Variants in TMPRSS9 observed in about 807,000 individuals in gnomAD.
TMPRSS9 encodes the protein transmembrane serine protease 9, also known as transmembrane protease serine 9.
In TMPRSS9, 113 loss-of-function variants were observed where a neutral mutation model predicts 111.4. The ratio of observed to expected loss-of-function variants is 1.01; its 90% confidence interval spans 0.87 to 1.19. The LOEUF is 1.19. Ranked by LOEUF, TMPRSS9 falls within the 50% of genes most tolerant of loss-of-function variation. TMPRSS9 has a pLI of 0.00. For synonymous variants in TMPRSS9, 805 were observed against 659.1 expected (o/e 1.22, Z -3.39); for missense variants, 1,803 against 1,513.1 (o/e 1.19, Z -3.18).
intron 4 of TMPRSS9, among the ~76,000 whole-genome samples, chr19:2,400,888 T>G (rs957001451): frequency 1.6e-5 from 2 of 124,986 alleles, no homozygotes; most frequent in Non-Finnish European, 3.4e-5. Context: ...GCAGGAGAAT[T>G]GCTTAAACCT....
intron 1 of TMPRSS9, among the ~76,000 whole-genome samples, chr19:2,361,921 G>A (rs1441864372): frequency 6.6e-6 from 1 of 152,160 alleles, no homozygotes; most frequent in East Asian, 1.9e-4. Context: ...GCTTCCTGAC[G>A]CCTTCCTGGG....
At chr19:2,396,490 C>G in intron 1 of TMPRSS9, 49 bp from the exon 3 acceptor site, 1 of 1,536,236 alleles carries the variant, frequency 6.5e-7, no homozygotes, top group Non-Finnish European at 8.8e-7. Flanking sequence ...CAGCGGAGCC[C>G]TGAGCCCCCA....
In TMPRSS9 at chr19:2,398,786, C is replaced by G; in HGVS notation, c.271-9C>G. On this transcript the variant is annotated splice_polypyrimidine_tract_variant and intron_variant, in intron 2 of 17. Transcript: ENST00000648592. Reference sequence around the variant, plus strand: ...GTCTCAACATTTGATATTCTTGTTTCTATTGCAGTTTGTAAGTAGTTTTCA... The same window carrying G: ...GTCTCAACATTTGATATTCTTGTTTGTATTGCAGTTTGTAAGTAGTTTTCA... 1 of 1,437,188 alleles carries G rather than the reference C, an allele frequency of 7.0e-7. No individual in the cohort carries two copies. The highest frequency in any genetic ancestry group is 9.2e-7 in the Non-Finnish European group (1 of 1,084,654). The allele number at this position is 1,437,188 out of a possible 1,614,324, so 89.0% of individuals were successfully genotyped here.
intron 4 of TMPRSS9, among the ~76,000 whole-genome samples, chr19:2,399,735 T>A: frequency 6.6e-6 from 1 of 152,176 alleles, no homozygotes; most frequent in Non-Finnish European, 1.5e-5. Flanking sequence ...TTTTTATTTT[T>A]GAGACAGGAT....
chr19:2,382,968 G>C (rs2145264940), intron 1 of TMPRSS9, among the ~76,000 whole-genome samples: 1 of 152,310 alleles, frequency 6.6e-6, no homozygotes, highest in African/African-American at 2.4e-5. Context: ...CCTTCCTCTT[G>C]GGGAACCTCA....
intron 1 of TMPRSS9, among the ~76,000 whole-genome samples, chr19:2,361,930 G>A (rs184284878): frequency 2.1e-4 from 32 of 152,288 alleles, no homozygotes; most frequent in Non-Finnish European, 3.8e-4. Flanking sequence ...CGCCTTCCTG[G>A]GGGCCTGGCT....
At position 2,376,995 on chromosome 19, in the gene TMPRSS9, A is replaced by G. The variant is rs115277385; in HGVS notation, c.-25-12766A>G. On this transcript the variant is annotated intron_variant, in intron 1 of 17. Transcript: ENST00000649857. The stretch of plus-strand genomic sequence containing the variant: ...GCGTGTCTGGCCCAGTGTGCCCAGA[A>G]CCCGAGAAACTGGAGTGGCCACGGG... Among the ~76,000 whole-genome samples, 741 of 151,878 alleles carry G rather than the reference A, an allele frequency of 4.9e-3. 6 individuals are homozygous for G. Among genetic ancestry groups the G allele is most frequent in the African/African-American group, 0.017 (708 of 41,450 alleles).
chr19:2,418,316 TC>T (rs753635628), intron 13 of TMPRSS9, among the ~76,000 whole-genome samples, 178 bp downstream of exon 14: 1,701 of 23,842 alleles, frequency 0.071, 139 homozygotes, highest in East Asian at 0.26. Flanking sequence ...TTTCCCTCCC[TC>T]CCTCCCTCCC....
chr19:2,390,490 G>C (rs796692269), intron 1 of TMPRSS9, among the ~76,000 whole-genome samples: 3,369 of 149,292 alleles, frequency 0.023, 114 homozygotes, highest in African/African-American at 0.078. Flanking sequence ...TGATCCGCCC[G>C]CCTCAGCCTC....
intron 6 of TMPRSS9, among the ~76,000 whole-genome samples, chr19:2,405,045 CTAAA>C (rs1478772116): frequency 5.3e-5 from 8 of 151,690 alleles, no homozygotes; most frequent in Admixed American, 3.3e-4. Flanking sequence ...TAAAAGTAGA[CTAAA>C]TAAGCAGACA....
At position 2,396,496 on chromosome 19, in the gene TMPRSS9, C is replaced by A. The variant is rs776933176; in HGVS notation, c.143-43C>A. On this transcript the variant is annotated intron_variant, in intron 1 of 17. Coordinates refer to ENST00000648592, the Ensembl canonical transcript of TMPRSS9. ...GTGGCAGCTCAGCGGAGCCCTGAGCCCCCAAAGGTGGGCTCTCTCACGGGC... is the reference window on the plus strand; with the variant it reads ...GTGGCAGCTCAGCGGAGCCCTGAGCACCCAAAGGTGGGCTCTCTCACGGGC... The A allele has an allele frequency of 1.6e-5, 24 of 1,547,208 alleles. No homozygotes were observed. The Admixed American group carries it at 3.0e-4, about 20-fold the overall frequency.
rs146003702 is a variant in TMPRSS9, at chr19:2,393,514, C to T, written c.143-3025C>T. On this transcript the variant is annotated intron_variant, in intron 1 of 17. Coordinates refer to ENST00000648592, the Ensembl canonical transcript of TMPRSS9. ...AAATGTAACACTCAGCGTGAGGATCCGCAGCTTCATTCTTGAAGTCAGTGA... is the reference window on the plus strand; with the variant it reads ...AAATGTAACACTCAGCGTGAGGATCTGCAGCTTCATTCTTGAAGTCAGTGA... Among the ~76,000 whole-genome samples the T allele has an allele frequency of 2.7e-3, 416 of 152,264 alleles. 1 individual carries two copies. The highest frequency in any genetic ancestry group is 0.02 in the Middle Eastern group (6 of 294).
exon 10 of TMPRSS9, chr19:2,413,941 T>C: frequency 6.2e-7 from 1 of 1,612,144 alleles, no homozygotes; most frequent in Non-Finnish European, 8.5e-7. Context: ...GAGAGCCCTG[T>C]GGTCAGCACC....
At chr19:2,373,990 C>G (rs1397237694) in intron 1 of TMPRSS9, among the ~76,000 whole-genome samples, 1 of 152,122 alleles carries the variant, frequency 6.6e-6, no homozygotes, top group Non-Finnish European at 1.5e-5. Context: ...GAGATCTGAG[C>G]AAGGCAGAGA....
chr19:2,411,844 G>T (rs903361772), intron 9 of TMPRSS9, among the ~76,000 whole-genome samples: 1 of 152,128 alleles, frequency 6.6e-6, no homozygotes. Context: ...GAGCCACCAG[G>T]CCCGGCCGAC....
At chr19:2,401,427 G>T (rs553438034) in intron 4 of TMPRSS9, among the ~76,000 whole-genome samples, 11 of 152,258 alleles carry the variant, frequency 7.2e-5, no homozygotes, top group Admixed American at 4.6e-4. Context: ...TGTGCAGTTT[G>T]GTGGCCGTCC....
At chr19:2,392,950 T>C (rs764253054) in intron 1 of TMPRSS9, among the ~76,000 whole-genome samples, 2 of 152,164 alleles carry the variant, frequency 1.3e-5, no homozygotes, top group Non-Finnish European at 2.9e-5. Context: ...CTTTTGTGTC[T>C]AGCTAAAGAT....
Position 2,413,783 on chromosome 19 carries a change from T to C in TMPRSS9, c.1338T>C (p.Cys446=), listed in dbSNP as rs148797783. 1,049 of 1,613,864 alleles carry C rather than the reference T, an allele frequency of 6.5e-4. 1 individual carries two copies. In the African/African-American group the frequency reaches 0.013, roughly 19 times the overall value. The change falls in exon 10 of 18, where the codon TGT becomes TGC. Residue 446 remains cysteine (C), a synonymous_variant. Coordinates refer to ENST00000648592, the Ensembl canonical transcript of TMPRSS9. ...GCATCGTGAGCTGGGGAATCGGGTG[T>C]GCGGAAGCCCGGCGTCCAGGGGTCT...
intron 13 of TMPRSS9, among the ~76,000 whole-genome samples, chr19:2,421,435 C>A (rs1971460436): frequency 6.6e-6 from 1 of 151,474 alleles, no homozygotes; most frequent in African/African-American, 2.4e-5. Flanking sequence ...ACTACAGGCG[C>A]CCACCACCAC....
Sources: allele counts gnomAD v4.1 joint callset (sites outside exome capture counted in the v4.1 genomes callset), GRCh38; gene constraint gnomAD v4.1.1; transcripts MANE v1.5; gene names NCBI Gene and HGNC (gene_info 2026-07-23, HGNC 2026-07-21).